Variants in COA1 observed in about 807,000 individuals in gnomAD.
The protein encoded by COA1 is cytochrome c oxidase assembly factor 1 homolog.
A neutral mutation model predicts 16.0 loss-of-function variants in COA1; 13 were observed. That is an observed-to-expected ratio of 0.81 (90% CI 0.53 to 1.29). The LOEUF (loss-of-function observed/expected upper bound fraction) is 1.29, where lower values mean the gene tolerates loss of function less well. COA1 is among the 50% of genes most tolerant of loss of function. COA1 has a pLI of 0.00. For missense variants in COA1, 179 were observed against 177.0 expected, an observed-to-expected ratio of 1.01 and a Z score of -0.06; for synonymous variants, 65 against 65.7, an observed-to-expected ratio of 0.99 and a Z score of 0.05.
chr7:43,669,469 A>C (rs1178740579), intron 1 of COA1, among the ~76,000 whole-genome samples: 1 of 151,948 alleles, frequency 6.6e-6, no homozygotes, highest in African/African-American at 2.4e-5. Context: ...ACATATCCCC[A>C]TATGTGTAGA....
At chr7:43,628,272 G>A (rs554335911) in intron 6 of COA1, among the ~76,000 whole-genome samples, 3 of 152,134 alleles carry the variant, frequency 2.0e-5, no homozygotes, top group Non-Finnish European at 2.9e-5. Flanking sequence ...GATTACAGGC[G>A]TGAGCCACCA....
chr7:43,679,548 G>C (rs1029852724), intron 1 of COA1, among the ~76,000 whole-genome samples: 3 of 152,128 alleles, frequency 2.0e-5, no homozygotes, highest in Non-Finnish European at 2.9e-5. Context: ...CAGTGAGAAT[G>C]ACATGAACTA....
At chr7:43,645,619 C>G in intron 3 of COA1, 1 of 491,782 alleles carries the variant, frequency 2.0e-6, no homozygotes, top group Non-Finnish European at 3.7e-6. Context: ...TGCAGATGAC[C>G]TTGGGCCTTG....
chr7:43,708,756 T>C (rs1054813066), intron 1 of COA1, among the ~76,000 whole-genome samples: 9 of 152,158 alleles, frequency 5.9e-5, no homozygotes, highest in Admixed American at 2.6e-4. Flanking sequence ...TTATCTTTTA[T>C]TACCATTATT....
chr7:43,615,431 CCT>C (rs2083257320), intron 6 of COA1, among the ~76,000 whole-genome samples: 1 of 152,142 alleles, frequency 6.6e-6, no homozygotes, highest in South Asian at 2.1e-4. Context: ...CTCACCTCGG[CCT>C]CCCAAATTGC....
chr7:43,630,293 C>T (rs903783180), intron 6 of COA1, among the ~76,000 whole-genome samples: 3 of 152,124 alleles, frequency 2.0e-5, no homozygotes, highest in African/African-American at 7.2e-5. Flanking sequence ...AATCTTATGA[C>T]ATTTTCTCCT....
At chr7:43,690,805 T>C (rs1437551730) in intron 1 of COA1, among the ~76,000 whole-genome samples, 2 of 152,078 alleles carry the variant, frequency 1.3e-5, no homozygotes, top group Non-Finnish European at 2.9e-5. Context: ...CTGTAAGAAT[T>C]AGTTGGTCTA....
intron 1 of COA1, among the ~76,000 whole-genome samples, chr7:43,661,578 T>C (rs949991710): frequency 6.0e-5 from 9 of 149,938 alleles, no homozygotes; most frequent in Admixed American, 2.0e-4. Flanking sequence ...GAGCTTGCAG[T>C]GTGAGCCGAG....
exon 7 of COA1, chr7:43,609,394 A>T (rs1702230947): frequency 1.3e-5 from 2 of 152,372 alleles, no homozygotes; most frequent in Admixed American, 6.5e-5. Flanking sequence ...CATCAGTGTC[A>T]TAGGCTCCAA....
intron 6 of COA1, chr7:43,631,567 C>T (rs959440535): frequency 6.6e-6 from 1 of 152,260 alleles, no homozygotes; most frequent in Non-Finnish European, 1.5e-5. Flanking sequence ...ACTTGTCTCA[C>T]TTCCTTCTGG....
At chr7:43,646,845 GA>G in intron 3 of COA1, 1 of 275,754 alleles carries the variant, frequency 3.6e-6, no homozygotes, top group Admixed American at 4.2e-5. Flanking sequence ...GGGAAGAAGT[GA>G]AAATGTTGCA....
At chr7:43,693,676 A>G (rs923769979) in intron 1 of COA1, among the ~76,000 whole-genome samples, 1 of 152,160 alleles carries the variant, frequency 6.6e-6, no homozygotes. Context: ...CTTAGAGTCT[A>G]GATCCACCGT....
intron 6 of COA1, chr7:43,631,087 A>G (rs535175778): frequency 6.6e-6 from 1 of 152,186 alleles, no homozygotes; most frequent in East Asian, 1.9e-4. Context: ...TTTCTGGTTC[A>G]AGAACTTCCT....
intron 6 of COA1, among the ~76,000 whole-genome samples, chr7:43,618,601 T>C (rs992968614): frequency 1.3e-5 from 2 of 152,220 alleles, no homozygotes; most frequent in Admixed American, 6.5e-5. Context: ...CCCTTTATAA[T>C]GCAAGCACAA....
At chr7:43,669,751 C>A (rs2093140039) in intron 1 of COA1, among the ~76,000 whole-genome samples, 1 of 108,230 alleles carries the variant, frequency 9.2e-6, no homozygotes, top group Non-Finnish European at 1.9e-5. Context: ...ACTTTTCACT[C>A]CTTAAAACCA....
At chr7:43,661,279 G>C (rs79634070) in intron 1 of COA1, among the ~76,000 whole-genome samples, 1,841 of 152,246 alleles carry the variant, frequency 0.012, 30 homozygotes, top group African/African-American at 0.042. Flanking sequence ...CAATGTTTGT[G>C]GCATCAATCT....
intron 1 of COA1, among the ~76,000 whole-genome samples, chr7:43,708,123 G>A (rs2095068867): frequency 6.6e-6 from 1 of 152,202 alleles, no homozygotes; most frequent in African/African-American, 2.4e-5. Context: ...AGAATTGCTT[G>A]AACCCCGGAG....
rs565124112 is a variant in COA1, at chr7:43,720,128, A to G, written c.-39+9301T>C. ...ACCCCATCTCTACTAAAATCATAAA[A>G]ATTAGCCAGGCATGGTGGCGGGCAC... On this transcript the variant is annotated intron_variant, in intron 1 of 5. Transcript: ENST00000223336. Among the ~76,000 whole-genome samples, 7 of 152,212 alleles carry G rather than the reference A, an allele frequency of 4.6e-5. No individual in the cohort carries two copies. In the East Asian group the frequency reaches 9.7e-4, roughly 21 times the overall value.
intron 1 of COA1, among the ~76,000 whole-genome samples, chr7:43,726,598 T>C (rs2095622066): frequency 6.6e-6 from 1 of 152,216 alleles, no homozygotes; most frequent in Non-Finnish European, 1.5e-5. Flanking sequence ...TTTCAAGTCT[T>C]AAAATGCTCC....
Sources: gnomAD v4.1 joint callset for allele counts (sites outside exome capture counted in the v4.1 genomes callset) on GRCh38, gnomAD v4.1.1 for gene constraint, MANE v1.5 for transcripts, NCBI Gene and HGNC (gene_info 2026-07-23, HGNC 2026-07-21) for gene names.